Variants in RAVER2 observed in about 807,000 individuals in gnomAD.
RAVER2 encodes the protein ribonucleoprotein PTB-binding 2.
Under a neutral mutation model 78.1 loss-of-function variants are expected in RAVER2, and 46 were observed. That is an observed-to-expected ratio of 0.59 (90% confidence interval 0.46 to 0.75). RAVER2 has a LOEUF of 0.75. Ranked by LOEUF, RAVER2 falls within the 30% of genes least tolerant of loss-of-function variation. The pLI is 0.00. For synonymous variants in RAVER2, 311 were observed against 313.3 expected (o/e 0.99, Z 0.08); for missense variants, 793 against 837.5 (o/e 0.95, Z 0.66).
chr1:64,754,418 A>G (rs1039727570), intron 1 of RAVER2, among the ~76,000 whole-genome samples: 1 of 152,188 alleles, frequency 6.6e-6, no homozygotes, highest in African/African-American at 2.4e-5. Flanking sequence ...AGAAATGTAA[A>G]AGAAGCGGAC....
chr1:64,820,728 A>C (rs986822644), intron 11 of RAVER2, among the ~76,000 whole-genome samples: 1 of 152,212 alleles, frequency 6.6e-6, no homozygotes, highest in African/African-American at 2.4e-5. Context: ...CCATGTTCCC[A>C]CAAAAGACAT....
At position 64,775,553 on chromosome 1, in the gene RAVER2, A is replaced by G. The variant is rs185012181; in HGVS notation, c.317-2070A>G. Among the ~76,000 whole-genome samples, 4 of 152,310 alleles carry G rather than the reference A, an allele frequency of 2.6e-5. No individual in the cohort carries two copies. The East Asian group carries it at 5.8e-4, about 22-fold the overall frequency. On this transcript the variant is annotated intron_variant, in intron 2 of 11. Coordinates refer to ENST00000294428, the Ensembl canonical transcript of RAVER2. ...GTGCGAAAAAAGATATTCAGCGGCCACACATTGAGTAACACATGTGGCCAC... is the reference window on the plus strand; with the variant it reads ...GTGCGAAAAAAGATATTCAGCGGCCGCACATTGAGTAACACATGTGGCCAC...
chr1:64,761,378 AAG>A (rs1418146457), intron 1 of RAVER2, among the ~76,000 whole-genome samples: 4 of 152,356 alleles, frequency 2.6e-5, no homozygotes, highest in African/African-American at 9.6e-5. Flanking sequence ...GCAGTTTCAA[AAG>A]AGGGAGAAGG....
rs531824424 is a variant in RAVER2 at position 64,820,847 on chromosome 1, G to A, written c.1929+6007G>A. Among the ~76,000 whole-genome samples the A allele has an allele frequency of 2.6e-5, 4 of 152,308 alleles. No individual in the cohort carries two copies. In the East Asian group the frequency reaches 7.7e-4, roughly 29 times the overall value. ...TTGATTCTATGTCTTTGCTATTGTG[G>A]ATAGTGCTGCAGTGAACATTTGTGT... On this transcript the variant is annotated intron_variant, in intron 11 of 11. Coordinates refer to ENST00000294428, the Ensembl canonical transcript of RAVER2.
At chr1:64,799,105 G>GGT (rs1182076064) in intron 5 of RAVER2, among the ~76,000 whole-genome samples, 5 of 152,098 alleles carry the variant, frequency 3.3e-5, no homozygotes, top group African/African-American at 1.2e-4. Context: ...TCTCTTCCCA[G>GGT]ACTCTAATAA....
chr1:64,786,222 G>A (rs889994692), intron 4 of RAVER2, among the ~76,000 whole-genome samples: 23 of 152,022 alleles, frequency 1.5e-4, no homozygotes, highest in African/African-American at 5.6e-4. Context: ...TGTTCTTATT[G>A]GCTTTGATGT....
At chr1:64,754,978 C>A (rs1212202539) in intron 1 of RAVER2, among the ~76,000 whole-genome samples, 1 of 152,154 alleles carries the variant, frequency 6.6e-6, no homozygotes, top group Non-Finnish European at 1.5e-5. Flanking sequence ...ATGTTTGATG[C>A]AAAAGCTTAT....
At chr1:64,793,126 C>A (rs1007041319) in intron 5 of RAVER2, among the ~76,000 whole-genome samples, 1 of 152,108 alleles carries the variant, frequency 6.6e-6, no homozygotes, top group Non-Finnish European at 1.5e-5. Context: ...TGACTTGAAC[C>A]CTGGAGGCGG....
At chr1:64,762,437 A>G (rs1338870758) in intron 1 of RAVER2, among the ~76,000 whole-genome samples, 3 of 151,954 alleles carry the variant, frequency 2.0e-5, no homozygotes, top group African/African-American at 7.2e-5. Flanking sequence ...ACAGAAATGC[A>G]AGTGACCTGG....
Position 64,822,585 on chromosome 1 carries a change from G to A in RAVER2, c.1929+7745G>A, listed in dbSNP as rs536417437. ...TGGGAATCCTCATACAGTGCTGGGG[G>A]TTGGTGGGATGTAAAAGGGTGCAGC... On this transcript the variant is annotated intron_variant, in intron 11 of 11. Transcript: ENST00000294428. Among the ~76,000 whole-genome samples, 3 of 152,272 alleles carry A rather than the reference G, an allele frequency of 2.0e-5. No homozygotes were observed. In the East Asian group the frequency reaches 5.8e-4, roughly 29 times the overall value.
chr1:64,828,197 G>A (rs1041547707), intron 11 of RAVER2, among the ~76,000 whole-genome samples: 2 of 122,508 alleles, frequency 1.6e-5, no homozygotes, highest in African/African-American at 6.6e-5. Flanking sequence ...TCTGGAAAAA[G>A]CTTTAGCACT....
intron 11 of RAVER2, among the ~76,000 whole-genome samples, chr1:64,829,603 C>T (rs548510998): frequency 4.6e-5 from 7 of 152,316 alleles, no homozygotes; most frequent in African/African-American, 7.2e-5. Context: ...CTGAACCCCT[C>T]GTCACCATCA....
chr1:64,806,023 C>T (rs796510895), intron 8 of RAVER2, among the ~76,000 whole-genome samples: 2 of 152,130 alleles, frequency 1.3e-5, no homozygotes, highest in African/African-American at 2.4e-5. Flanking sequence ...ATATTCTAAA[C>T]GTTAGGGGAA....
At chr1:64,754,458 A>G (rs1651794032) in intron 1 of RAVER2, among the ~76,000 whole-genome samples, 2 of 152,090 alleles carry the variant, frequency 1.3e-5, no homozygotes, top group Non-Finnish European at 1.5e-5. Flanking sequence ...AAAATGCTAT[A>G]TTTCCATTGA....
intron 1 of RAVER2, among the ~76,000 whole-genome samples, chr1:64,765,931 T>C (rs1461345845): frequency 1.3e-5 from 2 of 152,164 alleles, no homozygotes; most frequent in African/African-American, 4.8e-5. Flanking sequence ...TAGAAGACAA[T>C]GTAATTCAGG....
intron 1 of RAVER2, among the ~76,000 whole-genome samples, chr1:64,759,352 TG>T (rs1432898917): frequency 6.6e-6 from 1 of 151,414 alleles, no homozygotes; most frequent in Non-Finnish European, 1.5e-5. Context: ...CTGGAGTAGC[TG>T]GAACTACAAG....
intron 1 of RAVER2, among the ~76,000 whole-genome samples, chr1:64,758,986 A>T (rs1651933323): frequency 6.6e-6 from 1 of 151,246 alleles, no homozygotes; most frequent in Admixed American, 6.6e-5. Flanking sequence ...ATGGATGACT[A>T]TCTAAATCTA....
chr1:64,805,382 G>A (rs1020805158), intron 8 of RAVER2, among the ~76,000 whole-genome samples: 8 of 152,146 alleles, frequency 5.3e-5, no homozygotes, highest in Admixed American at 5.2e-4. Context: ...ATCCATTTGA[G>A]ACTGACATGC....
At chr1:64,809,524 A>T (rs1436543848) in intron 9 of RAVER2, among the ~76,000 whole-genome samples, 1 of 151,772 alleles carries the variant, frequency 6.6e-6, no homozygotes, top group Non-Finnish European at 1.5e-5. Flanking sequence ...AAATAAATAA[A>T]AGAGATTTGG....
Sources: gnomAD v4.1 joint callset for allele counts (sites outside exome capture counted in the v4.1 genomes callset) on GRCh38, gnomAD v4.1.1 for gene constraint, MANE v1.5 for transcripts, NCBI Gene and HGNC (gene_info 2026-07-23, HGNC 2026-07-21) for gene names.